PCNX4: variants seen among roughly 807,000 people sequenced by gnomAD.
PCNX4 encodes pecanex 4, also known as pecanex-like protein 4.
Under a neutral mutation model 107.2 loss-of-function variants are expected in PCNX4, and 103 were observed. That is an observed-to-expected ratio of 0.96 (90% CI 0.82 to 1.13). PCNX4 has a LOEUF of 1.13. Ranked by LOEUF, PCNX4 falls within the 50% of genes most tolerant of loss-of-function variation. The probability of loss-of-function intolerance (pLI) is 0.00; values close to 1 mark genes in which losing one functional copy is unlikely to be tolerated. For missense variants in PCNX4, 1,528 were observed against 1,379.4 expected, an observed-to-expected ratio of 1.11 and a Z score of -1.71; for synonymous variants, 541 against 481.7, an observed-to-expected ratio of 1.12 and a Z score of -1.61.
chr14:60,114,830 C>CA lies in PCNX4; in HGVS notation c.821dup (p.Val275GlyfsTer57). 6.2e-7 allele frequency: 1 copy of CA among 1,613,744 alleles called. No homozygotes were observed. Among genetic ancestry groups the CA allele is most frequent in the Non-Finnish European group, 8.5e-7 (1 of 1,179,768 alleles). On this transcript the variant is annotated frameshift_variant, in exon 3 of 11. Transcript: ENST00000406854. LOFTEE classifies it high-confidence loss of function. ...TGCACTTCTCTTATGGGCAATGGAG[C>CA]AGGTTTTAGAGTTCGGCCTTGGAGG...
At chr14:60,128,495 C>A (rs1896096508) in intron 10 of PCNX4, among the ~76,000 whole-genome samples, 1 of 152,150 alleles carries the variant, frequency 6.6e-6, no homozygotes, top group Non-Finnish European at 1.5e-5. Flanking sequence ...CTATATCTAG[C>A]AAAGTGATCT....
Position 60,133,757 on chromosome 14 carries a change from CTT to C in PCNX4, c.3268-210_3268-209del, listed in dbSNP as rs1566522872. 24 of 655,074 alleles carry C rather than the reference CTT, an allele frequency of 3.7e-5. 1 individual carries two copies. Among genetic ancestry groups the C allele is most frequent in the South Asian group, 3.2e-4 (20 of 61,554 alleles). The allele number at this position is 655,074 out of a possible 1,614,324, so 40.6% of individuals were successfully genotyped here. ...GGTGATTGAGATGGCTGCCAGGAAA[CTT>C]TTATTTAAAGAACCAAGGAAGTAGA... On this transcript the variant is annotated intron_variant, in intron 10 of 10. Transcript: ENST00000406854.
rs750376148 is a variant in PCNX4 at position 60,124,858 on chromosome 14, A to G, written c.2687A>G (p.Tyr896Cys). The G allele has an allele frequency of 1.2e-6, 2 of 1,613,822 alleles. No homozygotes were observed. The highest frequency in any genetic ancestry group is 1.1e-5 in the South Asian group (1 of 91,082). The change falls in exon 9 of 11, where the codon TAT becomes TGT. Residue 896 changes from tyrosine (Y) to cysteine (C), a missense_variant. Tyr to Cys is a radical substitution (Grantham distance 194). Transcript: ENST00000406854. ...VDKGKQEDMP[Y>C]IPLMEFSCSH... ...AAAGGAAAACAAGAGGACATGCCAT[A>G]TATTCCTCTCATGGAGTTCAGTTGT...
At chr14:60,121,376 C>G (rs1380636822) in intron 8 of PCNX4, 77 bp downstream of exon 8, 2 of 1,411,768 alleles carry the variant, frequency 1.4e-6, no homozygotes, top group Non-Finnish European at 1.9e-6. Context: ...TCACATCAAA[C>G]ACTCAATTTG....
chr14:60,121,156 ATT>A (rs753591794), intron 7 of PCNX4, 38 bp from the exon 8 acceptor site: 5 of 1,349,698 alleles, frequency 3.7e-6, no homozygotes, highest in Non-Finnish European at 3.8e-6. Context: ...TTTGAAAATG[ATT>A]TTCTTTTTTT....
chr14:60,112,430 T>C lies in PCNX4; in HGVS notation c.690-2270T>C, dbSNP rs115261704. On this transcript the variant is annotated intron_variant, in intron 2 of 10. Coordinates refer to ENST00000406854, the MANE Select transcript of PCNX4 (RefSeq NM_001330177.2). The stretch of plus-strand genomic sequence containing the variant: ...ATTAGAATTTAAATTATCAGAAGTA[T>C]TATAATTTAAGTGTTTTTCCATATT... 3.8e-3 allele frequency among the ~76,000 whole-genome samples: 585 copies of C among 152,264 alleles called. 3 individuals are homozygous for C. The highest frequency in any genetic ancestry group is 0.013 in the African/African-American group (555 of 41,554).
intron 2 of PCNX4, chr14:60,110,362 C>G (rs762838148): frequency 1.8e-5 from 3 of 167,098 alleles, no homozygotes; most frequent in Non-Finnish European, 4.4e-5. Context: ...TAGCCTCTAC[C>G]CAAAGCCTCG....
At chr14:60,117,637 CT>C (rs1895875330) in intron 6 of PCNX4, among the ~76,000 whole-genome samples, 1 of 152,104 alleles carries the variant, frequency 6.6e-6, no homozygotes, top group East Asian at 1.9e-4. Flanking sequence ...AGAACATATC[CT>C]TCTCTGGCCA....
chr14:60,129,262 A>G (rs1385331005), intron 10 of PCNX4, among the ~76,000 whole-genome samples: 1 of 145,566 alleles, frequency 6.9e-6, no homozygotes, highest in Admixed American at 6.9e-5. Flanking sequence ...AAGAAGGATA[A>G]CATAACAAGG....
chr14:60,107,634 T>G lies in PCNX4; in HGVS notation c.-5T>G. ...ATGTGACTTTCAGAATAATCCCGAG[T>G]GAGGATGAGTCCAGATGTGCCTCTA... On this transcript the variant is annotated 5_prime_UTR_variant, in exon 2 of 11. Transcript: ENST00000406854. 2 of 1,598,946 alleles carry G rather than the reference T, an allele frequency of 1.3e-6. No individual in the cohort carries two copies. Among genetic ancestry groups the G allele is most frequent in the Non-Finnish European group, 1.7e-6 (2 of 1,171,788 alleles).
Position 60,099,632 on chromosome 14 carries a change from A to G in PCNX4, c.-54+7213A>G, listed in dbSNP as rs1047355399. ...CAAAAGTTTGTAACTAAAAGTTGAA[A>G]TTGTGGGAAGTAATAATTTATCTTT... is the stretch of plus-strand genomic sequence containing the variant. On this transcript the variant is annotated intron_variant, in intron 1 of 10. Coordinates refer to ENST00000406854, the MANE Select transcript of PCNX4 (RefSeq NM_001330177.2). Among the ~76,000 whole-genome samples the G allele has an allele frequency of 2.6e-5, 4 of 152,244 alleles. 1 individual carries two copies. The South Asian group carries it at 8.3e-4, about 32-fold the overall frequency.
At chr14:60,122,539 A>G (rs772503451) in intron 8 of PCNX4, among the ~76,000 whole-genome samples, 1 of 151,946 alleles carries the variant, frequency 6.6e-6, no homozygotes, top group African/African-American at 2.4e-5. Context: ...TATGGCCATC[A>G]TATTTAAAAT....
chr14:60,119,380 A>T (rs1413885133), intron 7 of PCNX4, among the ~76,000 whole-genome samples: 1 of 152,204 alleles, frequency 6.6e-6, no homozygotes, highest in Non-Finnish European at 1.5e-5. Context: ...CTAGTGTGTC[A>T]TCTCCTGCCA....
In PCNX4 at chr14:60,091,926, T is replaced by G. The variant is rs909403601; in HGVS notation, c.-547T>G. The G allele has an allele frequency of 1.3e-5, 2 of 152,276 alleles. No homozygotes were observed. Among genetic ancestry groups the G allele is most frequent in the Non-Finnish European group, 2.9e-5 (2 of 68,094 alleles). The allele number at this position is 152,276 out of a possible 1,614,324, so 9.4% of individuals were successfully genotyped here. A position where few individuals can be genotyped will look rare whatever the true frequency, so the allele number is the denominator to read the frequency against. ...TCACCAGGGCAACGACGCTCTTGCG[T>G]AAAGGCCCGGCCCAAGGGAACGTTC... On this transcript the variant is annotated 5_prime_UTR_variant, in exon 1 of 11. Transcript: ENST00000406854.
At chr14:60,097,777 C>T (rs1327805324) in intron 1 of PCNX4, among the ~76,000 whole-genome samples, 2 of 152,218 alleles carry the variant, frequency 1.3e-5, no homozygotes, top group African/African-American at 2.4e-5. Context: ...AATGTTCTTA[C>T]CCTGCCTAAT....
At chr14:60,101,447 G>T (rs1428652439) in intron 1 of PCNX4, among the ~76,000 whole-genome samples, 1 of 152,130 alleles carries the variant, frequency 6.6e-6, no homozygotes, top group Non-Finnish European at 1.5e-5. Flanking sequence ...TTAAAAAAAT[G>T]AGCAAAGATT....
chr14:60,132,856 A>G (rs1376275637), intron 10 of PCNX4, among the ~76,000 whole-genome samples: 1 of 152,206 alleles, frequency 6.6e-6, no homozygotes, highest in Non-Finnish European at 1.5e-5. Context: ...AGTGCTCCGT[A>G]TAATTAGTCA....
Position 60,145,760 on chromosome 14 carries a change from A to G in PCNX4, c.*11539A>G, listed in dbSNP as rs1896389634. On this transcript the variant is annotated 3_prime_UTR_variant, in exon 11 of 11. Coordinates refer to ENST00000406854, the MANE Select transcript of PCNX4 (RefSeq NM_001330177.2). This position sits in a 1 kb window ranked among gnomAD's most constrained non-coding sequence, Gnocchi z 4.0. ...AAACAAGGCAACCTGATAATCCCCA[A>G]GATGTGATGTTTCTTTTCAGAAGAT... 1 of 152,154 alleles carries G rather than the reference A, an allele frequency of 6.6e-6. No individual in the cohort carries two copies. Among genetic ancestry groups the G allele is most frequent in the Non-Finnish European group, 1.5e-5 (1 of 68,024 alleles). 9.4% of individuals were successfully genotyped at this position (152,154 alleles called of 1,614,324 possible). A position where few individuals can be genotyped will look rare whatever the true frequency, so the allele number is the denominator to read the frequency against.
Position 60,145,549 on chromosome 14 carries a change from C to A in PCNX4, c.*11328C>A. ...ATTAGCTGGGTGTGGTGGTGTGCACCTGTAATCCCAGCTACCCGGGAGGCT... is the reference window on the plus strand; with the variant it reads ...ATTAGCTGGGTGTGGTGGTGTGCACATGTAATCCCAGCTACCCGGGAGGCT... On this transcript the variant is annotated 3_prime_UTR_variant, in exon 11 of 11. Transcript: ENST00000406854. The surrounding 1 kb of genome is among the most constrained non-coding windows in gnomAD (Gnocchi z 4.0). 6.6e-6 allele frequency: 1 copy of A among 152,292 alleles called. No homozygotes were observed. The highest frequency in any genetic ancestry group is 1.5e-5 in the Non-Finnish European group (1 of 68,134). The allele number at this position is 152,292 out of a possible 1,614,324, so 9.4% of individuals were successfully genotyped here. A position where few individuals can be genotyped will look rare whatever the true frequency, so the allele number is the denominator to read the frequency against.
Sources: allele counts gnomAD v4.1 joint callset (sites outside exome capture counted in the v4.1 genomes callset), GRCh38; gene constraint gnomAD v4.1.1; non-coding constraint Gnocchi (gnomAD v3.1); transcripts MANE v1.5; gene names NCBI Gene and HGNC (gene_info 2026-07-23, HGNC 2026-07-21).